Variants in TAFA2 observed in about 807,000 individuals in gnomAD.
TAFA2 encodes TAFA chemokine like family member 2, also known as chemokine-like protein TAFA-2.
Under a neutral mutation model 18.8 loss-of-function variants are expected in TAFA2, and 7 were observed. The ratio of observed to expected loss-of-function variants is 0.37; its 90% CI spans 0.21 to 0.70. The LOEUF is 0.70. Among genes scored for constraint, TAFA2 ranks in the 30% least tolerant of loss-of-function variants. The pLI is 0.53. For missense variants in TAFA2, 122 were observed against 158.1 expected (o/e 0.77, Z 1.23); for synonymous variants, 60 against 54.2 (o/e 1.11, Z -0.47).
At chr12:61,741,765 C>A (rs1174485872) in intron 4 of TAFA2, among the ~76,000 whole-genome samples, 1 of 152,232 alleles carries the variant, frequency 6.6e-6, no homozygotes, top group African/African-American at 2.4e-5. Flanking sequence ...TTTAAAAAAT[C>A]TGAATCCCCA....
At chr12:62,079,524 C>A (rs540499340) in intron 1 of TAFA2, among the ~76,000 whole-genome samples, 2 of 151,332 alleles carry the variant, frequency 1.3e-5, no homozygotes, top group South Asian at 4.2e-4. Context: ...ATTAGCCAGA[C>A]ATAGTGGCAT....
At chr12:61,828,213 G>A (rs186661290) in intron 2 of TAFA2, among the ~76,000 whole-genome samples, 1 of 151,958 alleles carries the variant, frequency 6.6e-6, no homozygotes, top group African/African-American at 2.4e-5. Flanking sequence ...AGAGAGGAAG[G>A]AGGAAATTGA....
At chr12:62,049,609 C>T (rs555607679) in intron 1 of TAFA2, among the ~76,000 whole-genome samples, 1 of 152,008 alleles carries the variant, frequency 6.6e-6, no homozygotes, top group East Asian at 1.9e-4. Context: ...TATGAAAAAC[C>T]CTTTTTTCAT....
chr12:61,887,238 T>A (rs1280553433), intron 1 of TAFA2, among the ~76,000 whole-genome samples: 1 of 152,146 alleles, frequency 6.6e-6, no homozygotes, highest in Non-Finnish European at 1.5e-5. Context: ...CTCCAATACA[T>A]CAGTAACTGG....
chr12:61,867,418 T>C lies in TAFA2; in HGVS notation c.8A>G (p.Lys3Arg). The stretch of plus-strand genomic sequence containing the variant: ...TTTTGTTGCTTTCTGTAAGTATCTC[T>C]TACTCATCCTGCAAATAAAAAAATA... MS[K>R]RYLQKATKGK... is the part of the protein sequence containing the mutation. The change falls in exon 2 of 5, where the codon AAG becomes AGG. Residue 3 changes from lysine to arginine, a missense_variant. Physicochemically the swap from Lys to Arg is conservative, Grantham distance 26 (BLOSUM62 2). This residue lies in a region of TAFA2 where 62 missense variants were observed against 55.5 expected (regional missense o/e 1.12). Transcript: ENST00000416284. The C allele has an allele frequency of 6.6e-7, 1 of 1,526,524 alleles. No homozygotes were observed. The highest frequency in any genetic ancestry group is 9.0e-7 in the Non-Finnish European group (1 of 1,108,172). 94.6% of individuals were successfully genotyped at this position (1,526,524 alleles called of 1,614,324 possible).
At chr12:61,970,671 A>C (rs147091608) in intron 1 of TAFA2, among the ~76,000 whole-genome samples, 1 of 151,716 alleles carries the variant, frequency 6.6e-6, no homozygotes, top group Non-Finnish European at 1.5e-5. Context: ...GTTTTTAGAT[A>C]ATTGACTAGT....
intron 1 of TAFA2, among the ~76,000 whole-genome samples, chr12:62,211,114 T>G (rs1424308539): frequency 6.6e-6 from 1 of 152,202 alleles, no homozygotes; most frequent in African/African-American, 2.4e-5. Flanking sequence ...TTACTACACA[T>G]TTAATTGTAC....
At chr12:62,153,983 T>C (rs569559371) in intron 1 of TAFA2, among the ~76,000 whole-genome samples, 1 of 151,942 alleles carries the variant, frequency 6.6e-6, no homozygotes, top group African/African-American at 2.4e-5. Flanking sequence ...TATGTTATGT[T>C]GTTTTGTACT....
At chr12:62,069,909 T>G (rs907321278) in intron 1 of TAFA2, among the ~76,000 whole-genome samples, 1 of 152,218 alleles carries the variant, frequency 6.6e-6, no homozygotes, top group Non-Finnish European at 1.5e-5. Context: ...AATGTATATA[T>G]GTCAAGTTCT....
intron 1 of TAFA2, among the ~76,000 whole-genome samples, chr12:61,956,458 G>A (rs1168390926): frequency 6.6e-6 from 1 of 151,066 alleles, no homozygotes; most frequent in Non-Finnish European, 1.5e-5. Context: ...TAATTTTTCT[G>A]ACAATTAAGA....
At chr12:62,038,749 A>C (rs554691523) in intron 1 of TAFA2, among the ~76,000 whole-genome samples, 2 of 152,220 alleles carry the variant, frequency 1.3e-5, no homozygotes, top group Non-Finnish European at 2.9e-5. Flanking sequence ...TAAAAATACT[A>C]TGCAAAAAGG....
At chr12:62,095,657 C>T (rs1417305905) in intron 1 of TAFA2, among the ~76,000 whole-genome samples, 2 of 152,114 alleles carry the variant, frequency 1.3e-5, no homozygotes, top group Admixed American at 1.3e-4. Flanking sequence ...GATCTCTCAC[C>T]TGATTTTAGT....
chr12:62,121,759 G>C (rs564848388), intron 1 of TAFA2, among the ~76,000 whole-genome samples: 31 of 152,302 alleles, frequency 2.0e-4, no homozygotes, highest in African/African-American at 7.5e-4. Context: ...TCAGGAGATA[G>C]GACAGTGACC....
chr12:61,974,983 T>C (rs965733233), intron 1 of TAFA2, among the ~76,000 whole-genome samples: 4 of 151,514 alleles, frequency 2.6e-5, no homozygotes, highest in Non-Finnish European at 1.5e-5. Context: ...TAGTAGTTGT[T>C]ACAACTGGAA....
chr12:62,118,846 C>A (rs994426282), intron 1 of TAFA2, among the ~76,000 whole-genome samples: 10 of 152,140 alleles, frequency 6.6e-5, no homozygotes, highest in Admixed American at 2.6e-4. Flanking sequence ...CTCTTAACAC[C>A]AATCCTTTGT....
chr12:61,778,525 A>G (rs1870367959), intron 2 of TAFA2, among the ~76,000 whole-genome samples: 1 of 151,728 alleles, frequency 6.6e-6, no homozygotes, highest in Admixed American at 6.6e-5. Flanking sequence ...CCTCTCATGC[A>G]TGACTTTACT....
intron 1 of TAFA2, among the ~76,000 whole-genome samples, chr12:62,076,264 G>GA (rs908798646): frequency 1.3e-5 from 2 of 151,230 alleles, no homozygotes; most frequent in African/African-American, 2.4e-5. Flanking sequence ...GGAGAAATAT[G>GA]AAAAAAAAAT....
intron 1 of TAFA2, among the ~76,000 whole-genome samples, chr12:61,927,069 G>GAAAAAAAAAA (rs56908081): frequency 4.3e-5 from 3 of 69,904 alleles, no homozygotes; most frequent in Non-Finnish European, 2.6e-5. Context: ...GTGAGACTCT[G>GAAAAAAAAAA]AAAAAAAAAA....
At chr12:62,093,778 T>A (rs940451800) in intron 1 of TAFA2, among the ~76,000 whole-genome samples, 1 of 151,950 alleles carries the variant, frequency 6.6e-6, no homozygotes, top group African/African-American at 2.4e-5. Flanking sequence ...GTGTATTCTT[T>A]TAAAAAACAA....
Sources: allele counts gnomAD v4.1 joint callset (sites outside exome capture counted in the v4.1 genomes callset), GRCh38; gene constraint gnomAD v4.1.1; regional missense constraint gnomAD v4.1.1; transcripts MANE v1.5; gene names NCBI Gene and HGNC (gene_info 2026-07-23, HGNC 2026-07-21).